Variants in PRLR observed in about 807,000 individuals in gnomAD.
PRLR encodes hPRL receptor.
Under a neutral mutation model 40.2 loss-of-function variants are expected in PRLR, and 13 were observed. The ratio of observed to expected loss-of-function variants is 0.32; its 90% CI spans 0.21 to 0.51. The LOEUF (loss-of-function observed/expected upper bound fraction) is 0.51, where lower values mean the gene tolerates loss of function less well. Ranked by LOEUF, PRLR falls within the 20% of genes least tolerant of loss-of-function variation. PRLR has a pLI of 0.97. For missense variants in PRLR, 656 were observed against 747.3 expected (o/e 0.88, Z 1.42); for synonymous variants, 269 against 278.7 (o/e 0.97, Z 0.35).
rs948692832 is a variant in PRLR at position 35,056,205 on chromosome 5, G to C, written c.*8884C>G. ...GGCAGCAGGAATTGAGGGGTGGTGT[G>C]GGGGACAGTGGAGGAGATGTAAATA... On this transcript the variant is annotated 3_prime_UTR_variant, in exon 10 of 10. Transcript: ENST00000618457. 6.6e-6 allele frequency: 1 copy of C among 152,144 alleles called. No individual in the cohort carries two copies. The highest frequency in any genetic ancestry group is 2.4e-5 in the African/African-American group (1 of 41,426). 9.4% of individuals were successfully genotyped at this position (152,144 alleles called of 1,614,324 possible). A position where few individuals can be genotyped will look rare whatever the true frequency, so the allele number is the denominator to read the frequency against.
At chr5:35,167,196 C>T (rs1164671627) in intron 1 of PRLR, among the ~76,000 whole-genome samples, 5 of 148,206 alleles carry the variant, frequency 3.4e-5, no homozygotes, top group Admixed American at 3.4e-4. Context: ...TATCATCTAA[C>T]TCTTTAAAGA....
chr5:35,120,509 T>C (rs1773252251), intron 1 of PRLR, among the ~76,000 whole-genome samples: 1 of 152,152 alleles, frequency 6.6e-6, no homozygotes, highest in South Asian at 2.1e-4. Context: ...AACATGAGGA[T>C]ATACCATTAT....
chr5:35,068,412 C>T, intron 8 of PRLR, 127 bp from the exon 9 acceptor site: 1 of 762,394 alleles, frequency 1.3e-6, no homozygotes, highest in South Asian at 1.6e-5. Context: ...CTCCATGAAA[C>T]AATCAATGAT....
At chr5:35,118,999 T>C (rs1428677706) in intron 1 of PRLR, among the ~76,000 whole-genome samples, 1 of 152,128 alleles carries the variant, frequency 6.6e-6, no homozygotes, top group Non-Finnish European at 1.5e-5. Flanking sequence ...TTTTGCCATG[T>C]TGGCCAGGCT....
At chr5:35,051,391 G>A (rs188896234), downstream of PRLR, among the ~76,000 whole-genome samples, 297 of 152,314 alleles carry the variant, frequency 1.9e-3, 1 homozygote, top group African/African-American at 6.8e-3. Flanking sequence ...TAAAATGTAT[G>A]GCAAAATCTT....
intron 1 of PRLR, among the ~76,000 whole-genome samples, chr5:35,145,758 A>T (rs1774166703): frequency 6.6e-6 from 1 of 151,274 alleles, no homozygotes; most frequent in South Asian, 2.1e-4. Context: ...AAGAACAACT[A>T]AGAGCTTAAT....
intron 1 of PRLR, among the ~76,000 whole-genome samples, chr5:35,187,010 C>T (rs943774514): frequency 6.6e-6 from 1 of 152,196 alleles, no homozygotes; most frequent in South Asian, 2.1e-4. Flanking sequence ...AGGAAGCGCA[C>T]CAAACCAGCA....
chr5:35,130,979 C>T (rs1229975981), intron 1 of PRLR, among the ~76,000 whole-genome samples: 1 of 152,202 alleles, frequency 6.6e-6, no homozygotes, highest in Admixed American at 6.5e-5. Flanking sequence ...CTCCACCCAG[C>T]ATCTCAGAGG....
Position 35,056,302 on chromosome 5 carries a change from T to C in PRLR, c.*8787A>G, listed in dbSNP as rs1421512832. 6.6e-6 allele frequency: 1 copy of C among 152,082 alleles called. No homozygotes were observed. Among genetic ancestry groups the C allele is most frequent in the Non-Finnish European group, 1.5e-5 (1 of 68,022 alleles). 9.4% of individuals were successfully genotyped at this position (152,082 alleles called of 1,614,324 possible). A position where few individuals can be genotyped will look rare whatever the true frequency, so the allele number is the denominator to read the frequency against. ...TGACAATATCAAAAACAGACTCAGT[T>C]TCATCTGCATAGTTTCGAGGGACTT... On this transcript the variant is annotated 3_prime_UTR_variant, in exon 10 of 10. Coordinates refer to ENST00000618457, the MANE Select transcript of PRLR (RefSeq NM_000949.7).
chr5:35,129,669 A>ATT lies in PRLR; in HGVS notation c.-105-11549_-105-11548dup, dbSNP rs398050398. On this transcript the variant is annotated intron_variant, in intron 1 of 9. Coordinates refer to ENST00000618457, the MANE Select transcript of PRLR (RefSeq NM_000949.7). ...TGATAGGTTTTAAGCACTGTAATCA[A>ATT]TTTTTTTTTTTTTACTCATTGGGTA... 4.9e-3 allele frequency among the ~76,000 whole-genome samples: 715 copies of ATT among 146,788 alleles called. 7 individuals carry two copies. Among genetic ancestry groups the ATT allele is most frequent in the East Asian group, 0.018 (93 of 5,028 alleles).
At chr5:35,155,579 C>T (rs940537392) in intron 1 of PRLR, among the ~76,000 whole-genome samples, 2 of 152,116 alleles carry the variant, frequency 1.3e-5, no homozygotes, top group Non-Finnish European at 2.9e-5. Context: ...AAATGGAAGC[C>T]GTTGGTTCTT....
At chr5:35,050,261 A>G (rs1768450521) in intron 8 of PRLR, among the ~76,000 whole-genome samples, 1 of 152,230 alleles carries the variant, frequency 6.6e-6, no homozygotes, top group African/African-American at 2.4e-5. Context: ...TGATGTCCAC[A>G]AAATCTGAAA....
rs113430686 is a variant in PRLR at position 35,124,448 on chromosome 5, G to C, written c.-105-6326C>G. On this transcript the variant is annotated intron_variant, in intron 1 of 9. Transcript: ENST00000618457. ...ATCAGGGCTACAAGACCAGAAAAGG[G>C]ACTTTCAACTCCGAAATGCTATGAC... 3.8e-3 allele frequency among the ~76,000 whole-genome samples: 572 copies of C among 152,172 alleles called. 4 individuals are homozygous for C. The highest frequency in any genetic ancestry group is 0.013 in the African/African-American group (556 of 41,542).
Position 35,090,791 on chromosome 5 carries a change from CTTTTTTTTTTTTTTTTT to C in PRLR, c.-43-1145_-43-1129del, listed in dbSNP as rs554800498. Reference sequence around the variant, plus strand: ...GGCACCCAGGTACCATCAATTAGCTCTTTTTTTTTTTTTTTTTTTTTTTTTTTTTTTTTTTTTGAGAC... The same window carrying C: ...GGCACCCAGGTACCATCAATTAGCTCTTTTTTTTTTTTTTTTTTTTGAGAC... On this transcript the variant is annotated intron_variant, in intron 2 of 9. Coordinates refer to ENST00000618457, the MANE Select transcript of PRLR (RefSeq NM_000949.7). Among the ~76,000 whole-genome samples, 37 of 59,150 alleles carry C rather than the reference CTTTTTTTTTTTTTTTTT, an allele frequency of 6.3e-4. No individual in the cohort carries two copies. In the East Asian group the frequency reaches 7.6e-3, roughly 12 times the overall value. 38.8% of individuals were successfully genotyped at this position (59,150 alleles called of 152,430 possible). A position where few individuals can be genotyped will look rare whatever the true frequency, so the allele number is the denominator to read the frequency against.
intron 1 of PRLR, among the ~76,000 whole-genome samples, chr5:35,176,466 T>A (rs1775150871): frequency 6.6e-6 from 1 of 152,194 alleles, no homozygotes; most frequent in African/African-American, 2.4e-5. Flanking sequence ...TTTTGTTCTG[T>A]ACTAAGAAAA....
chr5:35,221,774 A>G (rs982825741), intron 1 of PRLR, among the ~76,000 whole-genome samples: 4 of 152,174 alleles, frequency 2.6e-5, no homozygotes, highest in African/African-American at 9.7e-5. Context: ...GCTTTTTGCT[A>G]TTGCTAAAGC....
intron 4 of PRLR, among the ~76,000 whole-genome samples, chr5:35,085,013 G>A (rs1770755439): frequency 6.6e-6 from 1 of 152,162 alleles, no homozygotes; most frequent in South Asian, 2.1e-4. Flanking sequence ...ACTTTCACCT[G>A]TCCACACACA....
chr5:35,189,396 C>T (rs1775537820), intron 1 of PRLR, among the ~76,000 whole-genome samples: 1 of 152,140 alleles, frequency 6.6e-6, no homozygotes, highest in Non-Finnish European at 1.5e-5. Context: ...GTCTGGCCAA[C>T]ATGGCAAAAC....
At chr5:35,173,981 C>T (rs538144621) in intron 1 of PRLR, among the ~76,000 whole-genome samples, 1 of 152,248 alleles carries the variant, frequency 6.6e-6, no homozygotes, top group South Asian at 2.1e-4. Context: ...ATCCCTCCTC[C>T]TTCCCCCCAC....
Sources: gnomAD v4.1 joint callset for allele counts (sites outside exome capture counted in the v4.1 genomes callset) on GRCh38, gnomAD v4.1.1 for gene constraint, MANE v1.5 for transcripts, NCBI Gene and HGNC (gene_info 2026-07-23, HGNC 2026-07-21) for gene names.